The following NPAS2 variants were observed in gnomAD, a reference collection of about 807,000 sequenced individuals.
The protein encoded by NPAS2 is neuronal PAS domain protein 2, also known as neuronal PAS domain-containing protein 2.
A neutral mutation model predicts 107.5 loss-of-function variants in NPAS2; 23 were observed. The ratio of observed to expected loss-of-function variants is 0.21; its 90% CI spans 0.15 to 0.30. NPAS2 has a LOEUF of 0.30. NPAS2 is among the 10% of genes least tolerant of loss of function. The pLI is 1.00. For synonymous variants in NPAS2, 403 were observed against 417.5 expected, an observed-to-expected ratio of 0.97 and a Z score of 0.42; for missense variants, 756 against 1,043.3, an observed-to-expected ratio of 0.72 and a Z score of 3.79.
intron 4 of NPAS2, chr2:100,935,202 C>G: frequency 1.9e-6 from 1 of 524,408 alleles, no homozygotes; most frequent in Non-Finnish European, 2.4e-6. Context: ...AGCCAAAGTG[C>G]CTGTGGCCTG....
chr2:100,993,549 G>C (rs775309347), intron 20 of NPAS2, 22 bp downstream of exon 20: 1 of 1,499,474 alleles, frequency 6.7e-7, no homozygotes, highest in Non-Finnish European at 8.9e-7. Context: ...GGCCCAGGGG[G>C]CCCCCGTGCA....
At chr2:100,924,139 C>A (rs74613623) in intron 2 of NPAS2, among the ~76,000 whole-genome samples, 1 of 152,154 alleles carries the variant, frequency 6.6e-6, no homozygotes, top group East Asian at 1.9e-4. Flanking sequence ...AGACACAGAG[C>A]GTTCCCATAT....
At chr2:100,837,412 T>C (rs1677134003) in intron 1 of NPAS2, among the ~76,000 whole-genome samples, 1 of 152,192 alleles carries the variant, frequency 6.6e-6, no homozygotes, top group Non-Finnish European at 1.5e-5. Context: ...GGGTTCCAGC[T>C]ATTCTCCTGG....
intron 1 of NPAS2, among the ~76,000 whole-genome samples, chr2:100,884,595 G>T (rs1232702944): frequency 6.6e-6 from 1 of 152,208 alleles, no homozygotes; most frequent in African/African-American, 2.4e-5. Context: ...GAGAAAGATT[G>T]TGGTGGTGTT....
intron 1 of NPAS2, among the ~76,000 whole-genome samples, chr2:100,821,690 C>T (rs1676083011): frequency 6.6e-6 from 1 of 152,160 alleles, no homozygotes; most frequent in Admixed American, 6.5e-5. Context: ...CTAATTATGG[C>T]TTGCATTAAA....
Position 100,982,249 on chromosome 2 carries a change from A to G in NPAS2, c.1501A>G (p.Met501Val). ...PMAQFSAQFS[M>V]FQTIKDQLEQ... ...CTTGAAGTTTTCGGCACAGTTCAGC[A>G]TGTTCCAGACCATCAAAGACCAGCT... The change falls in exon 16 of 21, where the codon ATG (methionine) becomes GTG (valine). Residue 501 changes from methionine to valine, a missense_variant. Physicochemically the swap from Met to Val is conservative, Grantham distance 21. Transcript: ENST00000335681. 1 of 1,614,236 alleles carries G rather than the reference A, an allele frequency of 6.2e-7. No individual in the cohort carries two copies. Among genetic ancestry groups the G allele is most frequent in the Non-Finnish European group, 8.5e-7 (1 of 1,180,042 alleles).
chr2:100,888,681 G>C (rs143300634), intron 1 of NPAS2, among the ~76,000 whole-genome samples: 17 of 152,314 alleles, frequency 1.1e-4, no homozygotes, highest in African/African-American at 4.1e-4. Context: ...ATAAGCTAAT[G>C]TACAAGAAAA....
intron 1 of NPAS2, chr2:100,878,615 A>G: frequency 1.6e-5 from 16 of 985,432 alleles, no homozygotes; most frequent in Non-Finnish European, 1.9e-5. Flanking sequence ...ACTTTCAGCT[A>G]TCTGCTAACA....
At chr2:100,879,238 A>G (rs541100108) in intron 1 of NPAS2, among the ~76,000 whole-genome samples, 3 of 152,298 alleles carry the variant, frequency 2.0e-5, no homozygotes, top group South Asian at 2.1e-4. Context: ...GATAAATGTT[A>G]TTGTATTTAG....
Position 100,853,901 on chromosome 2 carries a change from C to T in NPAS2, c.-23+33487C>T, listed in dbSNP as rs558717971. On this transcript the variant is annotated intron_variant, in intron 1 of 20. Transcript: ENST00000335681. ...AAACTTAAAAGATGAAGTCCTGGTC[C>T]GGGCACGGTGGCTCACTTCTGTAAT... 6.6e-5 allele frequency among the ~76,000 whole-genome samples: 10 copies of T among 150,618 alleles called. No individual in the cohort carries two copies. In the South Asian group the frequency reaches 1.1e-3, roughly 16 times the overall value.
At chr2:100,991,579 C>G (rs1867861) in intron 19 of NPAS2, among the ~76,000 whole-genome samples, 57,706 of 152,108 alleles carry the variant, frequency 0.38, 12,457 homozygotes, top group Middle Eastern at 0.61. Context: ...GCAGGCACCC[C>G]CAGGCCCCTC....
rs777257434 is a variant in NPAS2, at chr2:100,949,437, T to C, written c.555T>C (p.Tyr185=). The C allele has an allele frequency of 6.2e-6, 10 of 1,613,016 alleles. No homozygotes were observed. The highest frequency in any genetic ancestry group is 1.1e-5 in the South Asian group (1 of 91,052). ...TGAACCCAAAGGAATTTCCAACTTA[T>C]GAATACATAAAATTTGTAGGAAATT... ...GSLNPKEFPT[Y]EYIKFVGNFR... The change falls in exon 7 of 21, where the codon TAT becomes TAC. Residue 185 remains tyrosine, a synonymous_variant. Transcript: ENST00000335681.
At chr2:100,959,243 C>G (rs972070886) in intron 7 of NPAS2, among the ~76,000 whole-genome samples, 5 of 151,150 alleles carry the variant, frequency 3.3e-5, no homozygotes, top group Non-Finnish European at 7.4e-5. Context: ...GTGTTCCAGC[C>G]TGGGCAAAGA....
At chr2:100,912,472 T>C (rs980569125) in intron 2 of NPAS2, among the ~76,000 whole-genome samples, 2 of 152,168 alleles carry the variant, frequency 1.3e-5, no homozygotes, top group Non-Finnish European at 2.9e-5. Context: ...CACCCCAAAA[T>C]GTGAGGGATT....
At chr2:100,962,376 A>G (rs1223013854) in intron 7 of NPAS2, among the ~76,000 whole-genome samples, 1 of 152,208 alleles carries the variant, frequency 6.6e-6, no homozygotes, top group Non-Finnish European at 1.5e-5. Flanking sequence ...TCATTTTATA[A>G]TGATTTAGCT....
intron 1 of NPAS2, among the ~76,000 whole-genome samples, chr2:100,851,770 T>C (rs1037553063): frequency 6.6e-6 from 1 of 152,192 alleles, no homozygotes; most frequent in African/African-American, 2.4e-5. Flanking sequence ...AAAACATTAA[T>C]AGTGGTTGTC....
In NPAS2 at chr2:100,833,142, T is replaced by C. The variant is rs1213657657; in HGVS notation, c.-23+12728T>C. The stretch of plus-strand genomic sequence containing the variant: ...CACAGTGTGTGAGTGGCCATCGTCT[T>C]ATGGGCCAGGGCATTTTTAAATGGT... On this transcript the variant is annotated intron_variant, in intron 1 of 20. Transcript: ENST00000335681. Among the ~76,000 whole-genome samples the C allele has an allele frequency of 2.0e-5, 3 of 152,170 alleles. No homozygotes were observed. In the East Asian group the frequency reaches 5.8e-4, roughly 29 times the overall value.
chr2:100,956,775 G>A lies in NPAS2; in HGVS notation c.599-7283G>A, dbSNP rs375103961. The stretch of plus-strand genomic sequence containing the variant: ...TGTGTGAGCCTTGAAGCACACAGAC[G>A]AGGATCCCATCTTGTTGTCTGCTCG... On this transcript the variant is annotated intron_variant, in intron 7 of 20. Coordinates refer to ENST00000335681, the MANE Select transcript of NPAS2 (RefSeq NM_002518.4). Among the ~76,000 whole-genome samples, 104 of 152,304 alleles carry A rather than the reference G, an allele frequency of 6.8e-4. 4 individuals carry two copies. The South Asian group carries it at 0.02, about 30-fold the overall frequency.
At chr2:100,827,071 T>C (rs1676435369) in intron 1 of NPAS2, among the ~76,000 whole-genome samples, 2 of 152,180 alleles carry the variant, frequency 1.3e-5, no homozygotes, top group Admixed American at 1.3e-4. Flanking sequence ...ATAGAGGTTG[T>C]CTATGAAAAT....
Sources: gnomAD v4.1 joint callset for allele counts (sites outside exome capture counted in the v4.1 genomes callset) on GRCh38, gnomAD v4.1.1 for gene constraint, MANE v1.5 for transcripts, NCBI Gene and HGNC (gene_info 2026-07-23, HGNC 2026-07-21) for gene names.